ADAMTS2: variants seen among roughly 807,000 people sequenced by gnomAD.
ADAMTS2 encodes the protein A disintegrin and metalloproteinase with thrombospondin motifs 2.
Under a neutral mutation model 123.0 loss-of-function variants are expected in ADAMTS2, and 50 were observed. The ratio of observed to expected loss-of-function variants is 0.41; its 90% CI spans 0.32 to 0.51. The LOEUF is 0.51. ADAMTS2 is among the 20% of genes least tolerant of loss of function. The pLI is 0.35. For synonymous variants in ADAMTS2, 678 were observed against 695.4 expected (o/e 0.98, Z 0.39); for missense variants, 1,494 against 1,705.2 (o/e 0.88, Z 2.18).
chr5:179,221,224 C>T (rs1265577323), intron 3 of ADAMTS2, among the ~76,000 whole-genome samples: 2 of 152,260 alleles, frequency 1.3e-5, no homozygotes, highest in Non-Finnish European at 2.9e-5. Context: ...GGAGTGGGCA[C>T]GGGACCTCTC....
At chr5:179,133,742 GAC>G (rs999767140) in intron 13 of ADAMTS2, among the ~76,000 whole-genome samples, 1 of 148,008 alleles carries the variant, frequency 6.8e-6, no homozygotes, top group African/African-American at 2.5e-5. Flanking sequence ...TTTTTTTTGA[GAC>G]AGTCTCGCTC....
rs144000824 is a variant in ADAMTS2 at position 179,283,838 on chromosome 5, C to T, written c.535-10774G>A. Among the ~76,000 whole-genome samples, 416 of 151,212 alleles carry T rather than the reference C, an allele frequency of 2.8e-3. 2 individuals carry two copies. The highest frequency in any genetic ancestry group is 9.4e-3 in the African/African-American group (390 of 41,272). On this transcript the variant is annotated intron_variant, in intron 2 of 21. Transcript: ENST00000251582. Reference sequence around the variant, plus strand: ...CCCAGGAGGCAGAGTTACAGTGAGCCGAGATCATGTCACTGCACTCCAGCC... The same window carrying T: ...CCCAGGAGGCAGAGTTACAGTGAGCTGAGATCATGTCACTGCACTCCAGCC...
At chr5:179,131,182 A>G (rs34211544) in intron 15 of ADAMTS2, among the ~76,000 whole-genome samples, 30,584 of 151,426 alleles carry the variant, frequency 0.2, 3,746 homozygotes, top group East Asian at 0.33. Context: ...GCATGGTGGC[A>G]CACGCCTGTA....
intron 17 of ADAMTS2, among the ~76,000 whole-genome samples, chr5:179,126,841 AG>A (rs1233128095): frequency 1.3e-5 from 2 of 152,082 alleles, no homozygotes; most frequent in Non-Finnish European, 2.9e-5. Flanking sequence ...ACGTGGTGGC[AG>A]GGCGGTGGAG....
At chr5:179,201,381 T>C (rs1312664600) in intron 4 of ADAMTS2, among the ~76,000 whole-genome samples, 1 of 152,166 alleles carries the variant, frequency 6.6e-6, no homozygotes, top group African/African-American at 2.4e-5. Context: ...GTAAAAAGTG[T>C]GTGACAGTCA....
chr5:179,202,621 C>A lies in ADAMTS2; in HGVS notation c.891+4892G>T, dbSNP rs577119761. Among the ~76,000 whole-genome samples, 8 of 152,238 alleles carry A rather than the reference C, an allele frequency of 5.3e-5. No homozygotes were observed. Among genetic ancestry groups the A allele is most frequent in the African/African-American group, 1.9e-4 (8 of 41,548 alleles). Reference sequence around the variant, plus strand: ...TAATAGACGCCCCATAAACACCGGCCCCCGTATGAACGGCAGCCAGGGGCA... The same window carrying A: ...TAATAGACGCCCCATAAACACCGGCACCCGTATGAACGGCAGCCAGGGGCA... On this transcript the variant is annotated intron_variant, in intron 4 of 21. Coordinates refer to ENST00000251582, the MANE Select transcript of ADAMTS2 (RefSeq NM_014244.5). The surrounding 1 kb of genome is among the most constrained non-coding windows in gnomAD (Gnocchi z 4.0).
At chr5:179,292,271 A>G (rs1450500100) in intron 2 of ADAMTS2, among the ~76,000 whole-genome samples, 1 of 151,588 alleles carries the variant, frequency 6.6e-6, no homozygotes, top group Non-Finnish European at 1.5e-5. Context: ...AAGAAGATAT[A>G]CAGCATCTCC....
chr5:179,188,788 G>T lies in ADAMTS2; in HGVS notation c.892-7633C>A, dbSNP rs565481395. Among the ~76,000 whole-genome samples the T allele has an allele frequency of 2.6e-5, 4 of 152,268 alleles. No homozygotes were observed. The East Asian group carries it at 7.7e-4, about 29-fold the overall frequency. Reference sequence around the variant, plus strand: ...CTGATACCTCTGCAGATGCCTCAGGGTGGGGACGGGGCTCCTCCACTTCCA... The same window carrying T: ...CTGATACCTCTGCAGATGCCTCAGGTTGGGGACGGGGCTCCTCCACTTCCA... On this transcript the variant is annotated intron_variant, in intron 4 of 21. Transcript: ENST00000251582. This position sits in a 1 kb window ranked among gnomAD's most constrained non-coding sequence, Gnocchi z 5.1.
chr5:179,212,529 G>A lies in ADAMTS2; in HGVS notation c.689-4814C>T, dbSNP rs191522945. Among the ~76,000 whole-genome samples, 33 of 109,952 alleles carry A rather than the reference G, an allele frequency of 3.0e-4. 3 individuals carry two copies. The East Asian group carries it at 8.0e-3, about 27-fold the overall frequency. 72.1% of individuals were successfully genotyped at this position (109,952 alleles called of 152,430 possible). On this transcript the variant is annotated intron_variant, in intron 3 of 21. Transcript: ENST00000251582. Reference sequence around the variant, plus strand: ...GGCTTTGTGGGCAGGTGTGGGCTCCGAAGGCAGGTGCAGTGAGCAGGCGTG... The same window carrying A: ...GGCTTTGTGGGCAGGTGTGGGCTCCAAAGGCAGGTGCAGTGAGCAGGCGTG...
intron 2 of ADAMTS2, among the ~76,000 whole-genome samples, chr5:179,273,469 G>A (rs918163824): frequency 2.6e-5 from 4 of 152,150 alleles, no homozygotes; most frequent in African/African-American, 9.7e-5. Context: ...ACTCCCAGGA[G>A]CCCAGAGTCC....
At chr5:179,290,365 G>A (rs561991852) in intron 2 of ADAMTS2, among the ~76,000 whole-genome samples, 1 of 152,276 alleles carries the variant, frequency 6.6e-6, no homozygotes, top group East Asian at 1.9e-4. Context: ...CTCACCAGAA[G>A]CCAGGGCCAT....
chr5:179,226,258 T>C (rs1356625748), intron 3 of ADAMTS2, among the ~76,000 whole-genome samples: 2 of 142,802 alleles, frequency 1.4e-5, no homozygotes, highest in Non-Finnish European at 3.1e-5. Context: ...CTTTCTTCTC[T>C]TTCTTCTTTC....
rs570417991 is a variant in ADAMTS2, at chr5:179,121,610, C to T, written c.3178+51G>A. ...GGGGCCCAAGGCAAGCTCCACAGGGCGCAGGGCATGCACTGGAGGGCAGAG... is the reference window on the plus strand; with the variant it reads ...GGGGCCCAAGGCAAGCTCCACAGGGTGCAGGGCATGCACTGGAGGGCAGAG... On this transcript the variant is annotated intron_variant, in intron 21 of 21. Coordinates refer to ENST00000251582, the MANE Select transcript of ADAMTS2 (RefSeq NM_014244.5). 15 of 1,474,682 alleles carry T rather than the reference C, an allele frequency of 1.0e-5. No individual in the cohort carries two copies. In the South Asian group the frequency reaches 1.4e-4, roughly 13 times the overall value. 91.3% of individuals were successfully genotyped at this position (1,474,682 alleles called of 1,614,324 possible).
At chr5:179,338,912 G>A (rs992214479) in intron 2 of ADAMTS2, among the ~76,000 whole-genome samples, 1 of 152,050 alleles carries the variant, frequency 6.6e-6, no homozygotes, top group African/African-American at 2.4e-5. Flanking sequence ...AGGGGAGGGC[G>A]ATCCTGGAAG....
intron 4 of ADAMTS2, among the ~76,000 whole-genome samples, chr5:179,204,285 CAT>C (rs1554130111): frequency 1.1e-5 from 1 of 92,576 alleles, no homozygotes; most frequent in Non-Finnish European, 2.5e-5. Context: ...GGCCCAGCCA[CAT>C]GAATGTGCTT....
chr5:179,287,225 A>G (rs1331629145), intron 2 of ADAMTS2, among the ~76,000 whole-genome samples: 1 of 152,164 alleles, frequency 6.6e-6, no homozygotes, highest in Non-Finnish European at 1.5e-5. Context: ...TCCAGCATGG[A>G]GGAAAGCTGC....
chr5:179,195,623 G>A (rs541298964), intron 4 of ADAMTS2, among the ~76,000 whole-genome samples: 19 of 152,344 alleles, frequency 1.2e-4, no homozygotes, highest in Non-Finnish European at 1.9e-4. Context: ...CCGGTCGCCC[G>A]AGTCCCCACC....
chr5:179,132,364 A>C lies in ADAMTS2; in HGVS notation c.2210-54T>G. The C allele has an allele frequency of 6.5e-7, 1 of 1,548,258 alleles. No homozygotes were observed. Among genetic ancestry groups the C allele is most frequent in the Non-Finnish European group, 8.9e-7 (1 of 1,123,010 alleles). ...ACTGAGAAGGGAAGGCGCCGCTCAA[A>C]TTCGCACCATGCAAGGAGGGGCCTC... On this transcript the variant is annotated intron_variant, in intron 14 of 21. Coordinates refer to ENST00000251582, the MANE Select transcript of ADAMTS2 (RefSeq NM_014244.5). This position sits in a 1 kb window ranked among gnomAD's most constrained non-coding sequence, Gnocchi z 6.1.
rs1400220380 is a variant in ADAMTS2 at position 179,220,885 on chromosome 5, C to G, written c.689-13170G>C. Among the ~76,000 whole-genome samples the G allele has an allele frequency of 3.3e-5, 5 of 152,308 alleles. No homozygotes were observed. The East Asian group carries it at 9.7e-4, about 29-fold the overall frequency. ...CTGGTCCCCTGGGAAGAGCTTGCAG[C>G]CAACACAAGCGGGAGGTCTCAGATG... On this transcript the variant is annotated intron_variant, in intron 3 of 21. Coordinates refer to ENST00000251582, the MANE Select transcript of ADAMTS2 (RefSeq NM_014244.5).
Sources: gnomAD v4.1 joint callset for allele counts (sites outside exome capture counted in the v4.1 genomes callset) on GRCh38, gnomAD v4.1.1 for gene constraint, Gnocchi (gnomAD v3.1) non-coding constraint, MANE v1.5 for transcripts, NCBI Gene and HGNC (gene_info 2026-07-23, HGNC 2026-07-21) for gene names.